Variants in QRSL1 observed in about 807,000 individuals in gnomAD.
The protein encoded by QRSL1 is glutamyl-tRNA(Gln) amidotransferase subunit A, mitochondrial.
QRSL1 carries 54 observed loss-of-function variants against 61.6 expected under a neutral mutation model. The ratio of observed to expected loss-of-function variants is 0.88; its 90% CI spans 0.70 to 1.10. QRSL1 has a LOEUF of 1.10. Ranked by LOEUF, QRSL1 falls within the 50% of genes least tolerant of loss-of-function variation. QRSL1 has a pLI of 0.00. For missense variants in QRSL1, 505 were observed against 622.6 expected, an observed-to-expected ratio of 0.81 and a Z score of 2.01; for synonymous variants, 228 against 225.7, an observed-to-expected ratio of 1.01 and a Z score of -0.09.
rs1347539539 is a variant in QRSL1, at chr6:106,654,652, A to G, written c.850-78A>G. The G allele has an allele frequency of 8.0e-6, 10 of 1,255,202 alleles. No homozygotes were observed. The East Asian group carries it at 1.5e-4, about 19-fold the overall frequency. 77.8% of individuals were successfully genotyped at this position (1,255,202 alleles called of 1,614,324 possible). On this transcript the variant is annotated intron_variant, in intron 7 of 10. Transcript: ENST00000369046. Reference sequence around the variant, plus strand: ...CTGAAGTACAGATTTTTATAAAATCATCTATACAGATGAAGTACAAATTTT... The same window carrying G: ...CTGAAGTACAGATTTTTATAAAATCGTCTATACAGATGAAGTACAAATTTT...
intron 7 of QRSL1, 129 bp downstream of exon 7, chr6:106,652,711 G>C (rs770310730): frequency 6.4e-7 from 1 of 1,551,510 alleles, no homozygotes; most frequent in Non-Finnish European, 8.7e-7. Flanking sequence ...AGTTGAGTAT[G>C]TGACTTAATC....
rs35122457 is a variant in QRSL1, at chr6:106,647,649, C to CTTTTTT, written c.381-1362_381-1357dup. ...GAAGGAGATAAAATGCCATAAAGTA[C>CTTTTTT]TTTTTTTTTTTTTTTTTTTGAGATG... On this transcript the variant is annotated intron_variant, in intron 4 of 10. Transcript: ENST00000369046. Among the ~76,000 whole-genome samples the CTTTTTT allele has an allele frequency of 2.8e-3, 240 of 84,230 alleles. 22 individuals carry two copies. The highest frequency in any genetic ancestry group is 4.4e-3 in the Non-Finnish European group (213 of 48,848). The allele number at this position is 84,230 out of a possible 152,430, so 55.3% of individuals were successfully genotyped here.
At chr6:106,638,613 C>T (rs1776960264) in intron 1 of QRSL1, among the ~76,000 whole-genome samples, 1 of 152,046 alleles carries the variant, frequency 6.6e-6, no homozygotes, top group African/African-American at 2.4e-5. Context: ...CAAGGGTTTA[C>T]CTTTCATACA....
At chr6:106,649,327 G>A in intron 5 of QRSL1, 126 bp downstream of exon 5, 1 of 868,238 alleles carries the variant, frequency 1.2e-6, no homozygotes, top group Admixed American at 2.9e-5. Flanking sequence ...TGTGCTCAAA[G>A]GTATATCAAA....
At chr6:106,663,796 TTAG>T (rs1777396083) in intron 10 of QRSL1, among the ~76,000 whole-genome samples, 1 of 152,090 alleles carries the variant, frequency 6.6e-6, no homozygotes, top group Non-Finnish European at 1.5e-5. Context: ...CACAACACAC[TTAG>T]TAGTTTTTTT....
In QRSL1 at chr6:106,663,209, T is replaced by C. The variant is rs72613241; in HGVS notation, c.1366+24T>C. ...AGGTGAGGATTCCTCAGGAACATTC[T>C]GATTTTCTTCAAATTCTTAGGCAGG... On this transcript the variant is annotated intron_variant, in intron 10 of 10. Coordinates refer to ENST00000369046, the MANE Select transcript of QRSL1 (RefSeq NM_018292.5). 6.7e-5 allele frequency: 107 copies of C among 1,606,584 alleles called. 1 individual carries two copies. In the Admixed American group the frequency reaches 1.1e-3, roughly 17 times the overall value.
intron 1 of QRSL1, among the ~76,000 whole-genome samples, chr6:106,638,382 G>A (rs894140900): frequency 2.6e-5 from 4 of 151,730 alleles, no homozygotes; most frequent in African/African-American, 9.7e-5. Flanking sequence ...TCACCTCACC[G>A]CAACCTCTGC....
At chr6:106,642,382 C>A in intron 3 of QRSL1, 1 of 435,172 alleles carries the variant, frequency 2.3e-6, no homozygotes, top group Non-Finnish European at 4.3e-6. Flanking sequence ...ATATGATTTA[C>A]ATGTTCGCTG....
At chr6:106,635,792 A>T (rs1208095875) in intron 1 of QRSL1, among the ~76,000 whole-genome samples, 1 of 149,956 alleles carries the variant, frequency 6.7e-6, no homozygotes, top group Non-Finnish European at 1.5e-5. Context: ...AATCGCTTGA[A>T]CCCGGGAGGC....
intron 8 of QRSL1, 34 bp downstream of exon 8, chr6:106,654,956 G>C: frequency 6.6e-7 from 1 of 1,507,892 alleles, no homozygotes; most frequent in Non-Finnish European, 8.9e-7. Context: ...TTTTAAGGTA[G>C]TTGTCGCAAA....
chr6:106,661,271 G>T (rs1777351838), intron 9 of QRSL1, among the ~76,000 whole-genome samples: 1 of 151,854 alleles, frequency 6.6e-6, no homozygotes, highest in South Asian at 2.1e-4. Flanking sequence ...CCACCACCAT[G>T]CCCGGCTAAA....
chr6:106,639,116 G>GTTTTTTTTTTTTTTTTTTTTT lies in QRSL1; in HGVS notation c.25-1231_25-1230insTTTTTTTTTTTTTTTTTTTTT, dbSNP rs1554200732. Reference sequence around the variant, plus strand: ...ACTTGTGTGGTTATTTGTGTGTTTTGTTGTTTTTTTTTTTTTTTTTTTTTT... The same window carrying GTTTTTTTTTTTTTTTTTTTTT: ...ACTTGTGTGGTTATTTGTGTGTTTTGTTTTTTTTTTTTTTTTTTTTTTTGTTTTTTTTTTTTTTTTTTTTTT... On this transcript the variant is annotated intron_variant, in intron 1 of 10. Coordinates refer to ENST00000369046, the MANE Select transcript of QRSL1 (RefSeq NM_018292.5). 1.5e-4 allele frequency among the ~76,000 whole-genome samples: 8 copies of GTTTTTTTTTTTTTTTTTTTTT among 54,360 alleles called. 3 individuals carry two copies. The East Asian group carries it at 2.4e-3, about 16-fold the overall frequency. The allele number at this position is 54,360 out of a possible 152,430, so 35.7% of individuals were successfully genotyped here. A position where few individuals can be genotyped will look rare whatever the true frequency, so the allele number is the denominator to read the frequency against.
chr6:106,665,900 A>C lies in QRSL1; in HGVS notation c.1485A>C (p.Glu495Asp), dbSNP rs1777425888. ...TTCTTACAGTAGCCAAATGGTTTGA[A>C]AAACAAGTACAGTTTCCTGTTATTC... The part of the protein sequence containing the change: ...QQLLTVAKWF[E>D]KQVQFPVIQL... Residue 495 changes from glutamate to aspartate, a missense_variant, in exon 11 of 11, where the codon GAA becomes GAC. Coordinates refer to ENST00000369046, the MANE Select transcript of QRSL1 (RefSeq NM_018292.5). 20 of 1,614,022 alleles carry C rather than the reference A, an allele frequency of 1.2e-5. No homozygotes were observed. Among genetic ancestry groups the C allele is most frequent in the Non-Finnish European group, 1.4e-5 (16 of 1,179,872 alleles).
Position 106,643,002 on chromosome 6 carries a change from C to A in QRSL1, c.292C>A (p.Pro98Thr), listed in dbSNP as rs775077368. The stretch of plus-strand genomic sequence containing the variant: ...AACTAAATTTTTTTCAGGTTATATA[C>A]CACCTTATAATGCTACAGTAGTTCA... ...CASNMLKGYI[P>T]PYNATVVQKL... is the part of the protein sequence containing the mutation. The change falls in exon 4 of 11, where the codon CCA (proline) becomes ACA (threonine). Residue 98 changes from proline to threonine, a missense_variant. Coordinates refer to ENST00000369046, the MANE Select transcript of QRSL1 (RefSeq NM_018292.5). 1 of 1,604,112 alleles carries A rather than the reference C, an allele frequency of 6.2e-7. No individual in the cohort carries two copies. The highest frequency in any genetic ancestry group is 8.5e-7 in the Non-Finnish European group (1 of 1,176,336).
At chr6:106,640,196 T>C (rs1776995081) in intron 1 of QRSL1, 153 bp from the exon 2 acceptor site, 6 of 638,888 alleles carry the variant, frequency 9.4e-6, no homozygotes, top group Non-Finnish European at 1.4e-5. Context: ...TCCACTACAC[T>C]AAGTGTAGAG....
chr6:106,649,302 T>G, intron 5 of QRSL1, 101 bp downstream of exon 5: 1 of 1,225,834 alleles, frequency 8.2e-7, no homozygotes. Flanking sequence ...GTATTTTTCT[T>G]TCTAGTGAGC....
chr6:106,666,952 C>T lies in QRSL1; in HGVS notation c.*950C>T, dbSNP rs1777446200. 1 of 152,314 alleles carries T rather than the reference C, an allele frequency of 6.6e-6. No homozygotes were observed. Among genetic ancestry groups the T allele is most frequent in the South Asian group, 2.1e-4 (1 of 4,818 alleles). 9.4% of individuals were successfully genotyped at this position (152,314 alleles called of 1,614,324 possible). A position where few individuals can be genotyped will look rare whatever the true frequency, so the allele number is the denominator to read the frequency against. On this transcript the variant is annotated 3_prime_UTR_variant, in exon 11 of 11. Coordinates refer to ENST00000369046, the MANE Select transcript of QRSL1 (RefSeq NM_018292.5). Reference sequence around the variant, plus strand: ...AAATGACTGAGAACTTTCCTTTCCTCCTTAGAGTTACAATTTTACTTCTGC... The same window carrying T: ...AAATGACTGAGAACTTTCCTTTCCTTCTTAGAGTTACAATTTTACTTCTGC...
At chr6:106,658,586 T>C (rs1777307637) in intron 9 of QRSL1, among the ~76,000 whole-genome samples, 1 of 152,222 alleles carries the variant, frequency 6.6e-6, no homozygotes, top group South Asian at 2.1e-4. Context: ...TGCTTCTTCT[T>C]TCTGTACTTT....
intron 10 of QRSL1, 56 bp downstream of exon 10, chr6:106,663,241 G>GCCTAA: frequency 6.5e-7 from 1 of 1,537,046 alleles, no homozygotes; most frequent in Non-Finnish European, 9.0e-7. Flanking sequence ...CAGGTACCCT[G>GCCTAA]GTCTTCAACT....
Sources: allele counts gnomAD v4.1 joint callset (sites outside exome capture counted in the v4.1 genomes callset), GRCh38; gene constraint gnomAD v4.1.1; transcripts MANE v1.5; gene names NCBI Gene and HGNC (gene_info 2026-07-23, HGNC 2026-07-21).